The following DIP2B variants were observed in gnomAD, a reference collection of about 807,000 sequenced individuals.
DIP2B encodes the protein DIP2 acetate--CoA ligase B (putative), also known as disco-interacting protein 2 homolog B.
DIP2B carries 76 observed loss-of-function variants against 198.0 expected under a neutral mutation model. The observed-to-expected ratio is 0.38, with a 90% confidence interval of 0.32 to 0.46. The LOEUF is 0.46. DIP2B is among the 20% of genes least tolerant of loss of function. DIP2B has a pLI of 0.99. For missense variants in DIP2B, 1,559 were observed against 1,978.4 expected, an observed-to-expected ratio of 0.79 and a Z score of 4.02; for synonymous variants, 701 against 739.1, an observed-to-expected ratio of 0.95 and a Z score of 0.84.
intron 1 of DIP2B, among the ~76,000 whole-genome samples, chr12:50,593,692 T>TCTCCC (rs1958839691): frequency 2.1e-5 from 2 of 94,174 alleles, no homozygotes; most frequent in East Asian, 4.8e-4. Flanking sequence ...TACACTCTTT[T>TCTCCC]CTCCTCTCCT....
In DIP2B at chr12:50,675,464, C is replaced by T. The variant is rs1240445542; in HGVS notation, c.916+16C>T. On this transcript the variant is annotated intron_variant, in intron 7 of 37. Transcript: ENST00000301180. Reference sequence around the variant, plus strand: ...ATTGTGGAAGGTAGTAGTAAAAATACCAAAAACATATATTCATTAAATAAA... The same window carrying T: ...ATTGTGGAAGGTAGTAGTAAAAATATCAAAAACATATATTCATTAAATAAA... 2 of 1,610,124 alleles carry T rather than the reference C, an allele frequency of 1.2e-6. No homozygotes were observed. The highest frequency in any genetic ancestry group is 1.6e-4 in the Middle Eastern group (1 of 6,066).
intron 1 of DIP2B, among the ~76,000 whole-genome samples, chr12:50,588,871 G>A (rs548951632): frequency 1.3e-5 from 2 of 152,206 alleles, no homozygotes; most frequent in South Asian, 2.1e-4. Flanking sequence ...TGAATGAGAC[G>A]ATTGCTGTCT....
At chr12:50,712,533 G>A (rs1301743878) in intron 22 of DIP2B, among the ~76,000 whole-genome samples, 2 of 151,942 alleles carry the variant, frequency 1.3e-5, no homozygotes, top group Non-Finnish European at 2.9e-5. Flanking sequence ...GAACCCGGGA[G>A]GTGGAGGTTG....
intron 2 of DIP2B, among the ~76,000 whole-genome samples, chr12:50,628,659 C>G (rs1324663874): frequency 2.0e-5 from 3 of 152,238 alleles, no homozygotes; most frequent in African/African-American, 7.2e-5. Flanking sequence ...AAAAAGAATC[C>G]TCCATTTACT....
intron 1 of DIP2B, among the ~76,000 whole-genome samples, chr12:50,528,404 C>T (rs983754579): frequency 4.7e-5 from 7 of 150,048 alleles, no homozygotes; most frequent in African/African-American, 1.7e-4. Context: ...AGTTCAAGAC[C>T]AGCCTGGGCA....
chr12:50,686,673 A>G lies in DIP2B; in HGVS notation c.1542A>G (p.Ala514=), dbSNP rs1369917484. ...TCTCACCTGCTGGGACAGAACCGGC[A>G]TACATTGAGGTAAGTCCTAAGATGT... The part of the protein sequence containing the change: ...PHISPAGTEP[A]YIEYKTSKEG... The change falls in exon 12 of 38, where the codon GCA becomes GCG. Residue 514 remains alanine (A), a synonymous_variant. Transcript: ENST00000301180. The G allele has an allele frequency of 1.2e-6, 2 of 1,613,982 alleles. No homozygotes were observed. Among genetic ancestry groups the G allele is most frequent in the African/African-American group, 1.3e-5 (1 of 75,044 alleles).
At chr12:50,545,501 G>C (rs1051863240) in intron 1 of DIP2B, among the ~76,000 whole-genome samples, 1 of 147,614 alleles carries the variant, frequency 6.8e-6, no homozygotes, top group African/African-American at 2.5e-5. Context: ...CCAGCCTCCC[G>C]AGTAGCTGGG....
intron 1 of DIP2B, among the ~76,000 whole-genome samples, chr12:50,550,811 T>A (rs1468121791): frequency 1.3e-5 from 2 of 152,158 alleles, no homozygotes; most frequent in African/African-American, 4.8e-5. Context: ...GCTACAGATT[T>A]AAGGTTTATC....
chr12:50,586,149 C>T (rs10876065), intron 1 of DIP2B, among the ~76,000 whole-genome samples: 39,232 of 152,184 alleles, frequency 0.26, 5,639 homozygotes, highest in East Asian at 0.39. Context: ...TCTGAAGGCT[C>T]TGCCAGCCTC....
intron 1 of DIP2B, among the ~76,000 whole-genome samples, chr12:50,570,474 G>T (rs1456179548): frequency 2.0e-5 from 3 of 152,196 alleles, no homozygotes; most frequent in Admixed American, 6.5e-5. Context: ...ACTTTGGGAG[G>T]CTGAGGCAGG....
rs1245447124 is a variant in DIP2B, at chr12:50,724,899, C to G, written c.3400+13C>G. The G allele has an allele frequency of 6.2e-7, 1 of 1,612,274 alleles. No individual in the cohort carries two copies. The highest frequency in any genetic ancestry group is 1.7e-5 in the Admixed American group (1 of 59,988). On this transcript the variant is annotated intron_variant, in intron 28 of 37. Coordinates refer to ENST00000301180, the MANE Select transcript of DIP2B (RefSeq NM_173602.3). ...ATCATTGACACAGGTGAAAGGGAGA[C>G]TTCTTCTGAGGGTGGAGGGACTGAG...
chr12:50,736,874 G>C (rs1308696092), intron 34 of DIP2B, among the ~76,000 whole-genome samples, 162 bp from the exon 35 acceptor site: 3 of 152,206 alleles, frequency 2.0e-5, no homozygotes, highest in Non-Finnish European at 4.4e-5. Flanking sequence ...CAAGACACAA[G>C]GTCTCTGCCA....
At chr12:50,559,392 G>T (rs1405226957) in intron 1 of DIP2B, among the ~76,000 whole-genome samples, 3 of 146,596 alleles carry the variant, frequency 2.0e-5, no homozygotes, top group African/African-American at 7.6e-5. Flanking sequence ...ATTTTCTTTG[G>T]TATTATACCA....
At chr12:50,537,521 T>C (rs1958281606) in intron 1 of DIP2B, among the ~76,000 whole-genome samples, 1 of 152,088 alleles carries the variant, frequency 6.6e-6, no homozygotes, top group Non-Finnish European at 1.5e-5. Flanking sequence ...TTGGAGTCTA[T>C]GACAATGTGG....
At chr12:50,743,693 G>A (rs1940296892) in intron 37 of DIP2B, 2 of 152,098 alleles carry the variant, frequency 1.3e-5, no homozygotes, top group Admixed American at 1.3e-4. Context: ...AAAAACAAAA[G>A]AATATTTTAT....
chr12:50,636,354 A>C (rs1938159710), intron 2 of DIP2B, among the ~76,000 whole-genome samples: 1 of 152,184 alleles, frequency 6.6e-6, no homozygotes, highest in African/African-American at 2.4e-5. Flanking sequence ...AAGAACATAG[A>C]ATCTTTTTTC....
intron 21 of DIP2B, among the ~76,000 whole-genome samples, chr12:50,708,121 A>G (rs997267530): frequency 6.0e-5 from 9 of 151,194 alleles, no homozygotes; most frequent in African/African-American, 2.2e-4. Context: ...ACGCCACCCT[A>G]CACACCACTC....
intron 1 of DIP2B, among the ~76,000 whole-genome samples, chr12:50,589,161 G>A (rs912121919): frequency 2.6e-5 from 4 of 151,392 alleles, no homozygotes; most frequent in Non-Finnish European, 5.9e-5. Flanking sequence ...TCCAGCCTAG[G>A]AAACAGGGCA....
At chr12:50,685,760 C>G in intron 10 of DIP2B, 73 bp from the exon 11 acceptor site, 1 of 1,488,088 alleles carries the variant, frequency 6.7e-7, no homozygotes, top group Non-Finnish European at 9.0e-7. Context: ...CAGAGCATTA[C>G]TAAGTGTCAG....
Sources: gnomAD v4.1 joint callset for allele counts (sites outside exome capture counted in the v4.1 genomes callset) on GRCh38, gnomAD v4.1.1 for gene constraint, MANE v1.5 for transcripts, NCBI Gene and HGNC (gene_info 2026-07-23, HGNC 2026-07-21) for gene names.